Variants in BRINP1 observed in about 807,000 individuals in gnomAD.
BRINP1 encodes BMP/retinoic acid inducible neural specific 1, also known as BMP/retinoic acid-inducible neural-specific protein 1.
In BRINP1, 17 loss-of-function variants were observed where a neutral mutation model predicts 72.9. That is an observed-to-expected ratio of 0.23 (90% CI 0.16 to 0.35). BRINP1 has a LOEUF of 0.35. Ranked by LOEUF, BRINP1 falls within the 10% of genes least tolerant of loss-of-function variation. The pLI, the probability that BRINP1 is intolerant of heterozygous loss-of-function variation, is 1.00. For synonymous variants in BRINP1, 418 were observed against 378.5 expected, an observed-to-expected ratio of 1.10 and a Z score of -1.21; for missense variants, 850 against 1,001.6, an observed-to-expected ratio of 0.85 and a Z score of 2.04.
At chr9:119,323,939 T>C (rs1046549169) in intron 1 of BRINP1, among the ~76,000 whole-genome samples, 1 of 142,326 alleles carries the variant, frequency 7.0e-6, no homozygotes, top group African/African-American at 2.4e-5. Context: ...GTATGGAGAA[T>C]AGAGGTGAAC....
intron 7 of BRINP1, among the ~76,000 whole-genome samples, chr9:119,174,274 AAAAC>A (rs1338626196): frequency 3.3e-5 from 5 of 151,094 alleles, no homozygotes; most frequent in African/African-American, 1.2e-4. Context: ...TTACAAGAAA[AAAAC>A]AAATAACCCC....
Position 119,257,423 on chromosome 9 carries a change from C to T in BRINP1, c.219-8273G>A, listed in dbSNP as rs551509491. Among the ~76,000 whole-genome samples, 79 of 152,324 alleles carry T rather than the reference C, an allele frequency of 5.2e-4. 1 individual carries two copies. In the South Asian group the frequency reaches 0.011, roughly 21 times the overall value. On this transcript the variant is annotated intron_variant, in intron 2 of 7. Transcript: ENST00000265922. ...TATTACAGTCTAAATATATAGCTTTCTGGCGGTCTGGCTTAATCCAAGAAT... is the reference window on the plus strand; with the variant it reads ...TATTACAGTCTAAATATATAGCTTTTTGGCGGTCTGGCTTAATCCAAGAAT...
intron 5 of BRINP1, among the ~76,000 whole-genome samples, chr9:119,221,952 T>C (rs1830045285): frequency 1.3e-5 from 2 of 152,156 alleles, no homozygotes; most frequent in Admixed American, 6.6e-5. Flanking sequence ...TGGGTTATCA[T>C]TGACCCACAT....
At chr9:119,316,299 G>A (rs569038065) in intron 1 of BRINP1, among the ~76,000 whole-genome samples, 25 of 152,282 alleles carry the variant, frequency 1.6e-4, no homozygotes, top group Admixed American at 7.8e-4. Context: ...TGTTGGCCAG[G>A]CTGGTCTTGA....
At chr9:119,287,945 C>T (rs571515884) in intron 2 of BRINP1, among the ~76,000 whole-genome samples, 16 of 152,120 alleles carry the variant, frequency 1.1e-4, no homozygotes, top group East Asian at 5.8e-4. Flanking sequence ...CCATGTAACA[C>T]GTTTATCTAT....
chr9:119,342,656 A>G (rs1163334179), intron 1 of BRINP1, among the ~76,000 whole-genome samples: 2 of 152,212 alleles, frequency 1.3e-5, no homozygotes, highest in African/African-American at 4.8e-5. Flanking sequence ...GGTCTTGGAT[A>G]TATAAGACCT....
In BRINP1 at chr9:119,213,997, C is replaced by T; in HGVS notation, c.844G>A (p.Asp282Asn). 6.2e-7 allele frequency: 1 copy of T among 1,614,164 alleles called. No homozygotes were observed. Among genetic ancestry groups the T allele is most frequent in the Non-Finnish European group, 8.5e-7 (1 of 1,180,036 alleles). Residue 282 changes from aspartate to asparagine, a missense_variant, in exon 6 of 8, where the codon GAC becomes AAC. By Grantham distance (23) the Asp-to-Asn change is conservative. Coordinates refer to ENST00000265922, the MANE Select transcript of BRINP1 (RefSeq NM_014618.3). ...AGCGTGTACTCCATGATCTGGATGT[C>T]CGTGATGGGGCAGTTGCACTGCGGA... ...EFPQCNCPITDIQIMEYTLAN... is the reference protein window; with the variant it reads ...EFPQCNCPITNIQIMEYTLAN...
chr9:119,244,266 C>A (rs1337570729), intron 3 of BRINP1, among the ~76,000 whole-genome samples: 1 of 152,188 alleles, frequency 6.6e-6, no homozygotes, highest in East Asian at 1.9e-4. Context: ...CGTAGTAATA[C>A]ATGATTGTCT....
At chr9:119,217,539 A>G (rs1208998615) in intron 5 of BRINP1, among the ~76,000 whole-genome samples, 1 of 152,122 alleles carries the variant, frequency 6.6e-6, no homozygotes, top group African/African-American at 2.4e-5. Flanking sequence ...ATATTAAAAT[A>G]ATCTTGTTAT....
chr9:119,281,915 C>T lies in BRINP1; in HGVS notation c.218+31223G>A, dbSNP rs376820722. The stretch of plus-strand genomic sequence containing the variant: ...CAATCCCTTATTGACAGGTATTCAG[C>T]TTGTTTTCATGTTTTGTTCCTCTTG... On this transcript the variant is annotated intron_variant, in intron 2 of 7. Coordinates refer to ENST00000265922, the MANE Select transcript of BRINP1 (RefSeq NM_014618.3). Among the ~76,000 whole-genome samples the T allele has an allele frequency of 8.5e-5, 13 of 152,250 alleles. No individual in the cohort carries two copies. The East Asian group carries it at 2.1e-3, about 25-fold the overall frequency.
intron 2 of BRINP1, among the ~76,000 whole-genome samples, chr9:119,268,102 G>C (rs1830566796): frequency 1.3e-5 from 2 of 152,048 alleles, no homozygotes; most frequent in South Asian, 4.1e-4. Context: ...ACTTAGCTAG[G>C]CGTGGTGGCA....
chr9:119,269,824 A>G (rs80063233), intron 2 of BRINP1, among the ~76,000 whole-genome samples: 3,612 of 150,708 alleles, frequency 0.024, 110 homozygotes, highest in African/African-American at 0.08. Context: ...ATTCATTAGG[A>G]ACTAGACACT....
In BRINP1 at chr9:119,317,047, C is replaced by T. The variant is rs138464276; in HGVS notation, c.-50-3642G>A. ...CGGAGGTCGCCGGGAACCAAGATCG[C>T]ACCACTGCACTCCAGCCTGGTGACA... On this transcript the variant is annotated intron_variant, in intron 1 of 7. Coordinates refer to ENST00000265922, the MANE Select transcript of BRINP1 (RefSeq NM_014618.3). 1.4e-3 allele frequency among the ~76,000 whole-genome samples: 216 copies of T among 150,618 alleles called. 3 individuals carry two copies. Among genetic ancestry groups the T allele is most frequent in the Admixed American group, 4.6e-3 (70 of 15,260 alleles).
At position 119,217,330 on chromosome 9, in the gene BRINP1, G is replaced by C. The variant is rs1310123048; in HGVS notation, c.686-3175C>G. The stretch of plus-strand genomic sequence containing the variant: ...CAAAGACACAACACACAGACACACA[G>C]ACACACACACACACACACGGAGAGA... On this transcript the variant is annotated intron_variant, in intron 5 of 7. Transcript: ENST00000265922. 5.5e-5 allele frequency among the ~76,000 whole-genome samples: 8 copies of C among 146,048 alleles called. No individual in the cohort carries two copies. The South Asian group carries it at 1.5e-3, about 27-fold the overall frequency.
chr9:119,191,314 G>C (rs1388996859), intron 7 of BRINP1, among the ~76,000 whole-genome samples: 4 of 151,634 alleles, frequency 2.6e-5, no homozygotes, highest in Admixed American at 2.0e-4. Flanking sequence ...AAATAAAAAA[G>C]CATCCAAATC....
At chr9:119,223,571 T>C (rs1460575541) in intron 5 of BRINP1, among the ~76,000 whole-genome samples, 1 of 152,078 alleles carries the variant, frequency 6.6e-6, no homozygotes, top group Admixed American at 6.6e-5. Flanking sequence ...ATAAGCTTCC[T>C]GAATGCAAAA....
chr9:119,181,027 C>T (rs967541966), intron 7 of BRINP1, among the ~76,000 whole-genome samples: 1 of 152,158 alleles, frequency 6.6e-6, no homozygotes, highest in East Asian at 1.9e-4. Context: ...AGTTCTGTGT[C>T]TGGAAGGAGG....
At chr9:119,216,954 C>T (rs1381307929) in intron 5 of BRINP1, among the ~76,000 whole-genome samples, 1 of 152,190 alleles carries the variant, frequency 6.6e-6, no homozygotes, top group African/African-American at 2.4e-5. Context: ...AAAATGGAAA[C>T]TCAGAACATG....
intron 3 of BRINP1, among the ~76,000 whole-genome samples, chr9:119,245,838 A>G (rs949627244): frequency 6.6e-6 from 1 of 152,208 alleles, no homozygotes; most frequent in Non-Finnish European, 1.5e-5. Context: ...GAAAAAAATT[A>G]CAGTGAATAA....
Sources: allele counts gnomAD v4.1 joint callset (sites outside exome capture counted in the v4.1 genomes callset), GRCh38; gene constraint gnomAD v4.1.1; transcripts MANE v1.5; gene names NCBI Gene and HGNC (gene_info 2026-07-23, HGNC 2026-07-21).